Variants in LRMDA observed in about 807,000 individuals in gnomAD.
LRMDA encodes leucine-rich melanocyte differentiation-associated protein.
In LRMDA, 18 loss-of-function variants were observed where a neutral mutation model predicts 29.8. The ratio of observed to expected loss-of-function variants is 0.60; its 90% CI spans 0.42 to 0.90. LRMDA has a LOEUF of 0.90. Among genes scored for constraint, LRMDA ranks in the 40% least tolerant of loss-of-function variants. The pLI is 0.00. For synonymous variants in LRMDA, 125 were observed against 109.4 expected, an observed-to-expected ratio of 1.14 and a Z score of -0.89; for missense variants, 273 against 273.9, an observed-to-expected ratio of 1.00 and a Z score of 0.02.
chr10:76,211,855 C>A (rs2132246348), intron 5 of LRMDA, among the ~76,000 whole-genome samples: 1 of 152,312 alleles, frequency 6.6e-6, no homozygotes, highest in South Asian at 2.1e-4. Flanking sequence ...CAGAGTCTCA[C>A]AAATAGTTCT....
chr10:76,368,496 A>G (rs1402268805), intron 6 of LRMDA, among the ~76,000 whole-genome samples: 1 of 152,096 alleles, frequency 6.6e-6, no homozygotes, highest in Admixed American at 6.5e-5. Flanking sequence ...TCTTAAATGT[A>G]TTGAGGCTCG....
chr10:76,064,917 T>C (rs1053072303), intron 5 of LRMDA, among the ~76,000 whole-genome samples: 1 of 152,198 alleles, frequency 6.6e-6, no homozygotes, highest in East Asian at 1.9e-4. Context: ...TGTGCTCATG[T>C]TTTTATGATT....
chr10:76,248,344 T>C (rs1189192836), intron 5 of LRMDA, among the ~76,000 whole-genome samples: 1 of 152,152 alleles, frequency 6.6e-6, no homozygotes, highest in Admixed American at 6.5e-5. Flanking sequence ...AATTGTTGAC[T>C]TCATGTCAGG....
intron 2 of LRMDA, among the ~76,000 whole-genome samples, chr10:75,690,224 T>C (rs1222565493): frequency 3.3e-5 from 5 of 152,178 alleles, no homozygotes; most frequent in Non-Finnish European, 7.4e-5. Flanking sequence ...ATATCCTCCT[T>C]ATATGGATGA....
chr10:75,794,101 C>T (rs1381616691), intron 2 of LRMDA, among the ~76,000 whole-genome samples: 1 of 152,212 alleles, frequency 6.6e-6, no homozygotes, highest in Non-Finnish European at 1.5e-5. Flanking sequence ...GGTTTGGGGG[C>T]TATTTGTTAC....
intron 5 of LRMDA, among the ~76,000 whole-genome samples, chr10:76,101,736 CA>C (rs35511942): frequency 3.3e-5 from 5 of 149,778 alleles, no homozygotes; most frequent in East Asian, 3.9e-4. Flanking sequence ...GACTCTGTCT[CA>C]AAAAAAAAAT....
chr10:75,941,252 C>T (rs545945358), intron 2 of LRMDA, among the ~76,000 whole-genome samples: 4 of 152,242 alleles, frequency 2.6e-5, no homozygotes, highest in African/African-American at 7.2e-5. Context: ...CAAGGAAAGG[C>T]GAGTAAGCAA....
intron 5 of LRMDA, among the ~76,000 whole-genome samples, chr10:76,194,959 AT>A (rs1310861979): frequency 6.6e-6 from 1 of 152,096 alleles, no homozygotes; most frequent in African/African-American, 2.4e-5. Context: ...GTGAAAACTT[AT>A]TTTTTTCTAC....
At chr10:75,574,290 C>T (rs1202932912) in intron 2 of LRMDA, among the ~76,000 whole-genome samples, 4 of 152,156 alleles carry the variant, frequency 2.6e-5, no homozygotes, top group Non-Finnish European at 5.9e-5. Context: ...TCTCTCAATG[C>T]TCTTCTATGT....
At chr10:76,050,740 A>G (rs1426020788) in intron 4 of LRMDA, among the ~76,000 whole-genome samples, 1 of 152,246 alleles carries the variant, frequency 6.6e-6, no homozygotes, top group African/African-American at 2.4e-5. Context: ...TAGCCAAAAT[A>G]ACAAATCAAT....
intron 2 of LRMDA, among the ~76,000 whole-genome samples, chr10:75,769,620 G>A (rs969455979): frequency 3.3e-5 from 5 of 151,936 alleles, no homozygotes; most frequent in African/African-American, 1.2e-4. Flanking sequence ...TATTTCATTC[G>A]TTTTCTCCCC....
At chr10:75,623,589 G>T (rs1268425129) in intron 2 of LRMDA, among the ~76,000 whole-genome samples, 1 of 152,124 alleles carries the variant, frequency 6.6e-6, no homozygotes, top group Non-Finnish European at 1.5e-5. Flanking sequence ...GAGTCTGAGA[G>T]TTGCTAGTGT....
intron 2 of LRMDA, among the ~76,000 whole-genome samples, chr10:75,608,785 G>A (rs1211316827): frequency 2.0e-5 from 3 of 152,112 alleles, no homozygotes; most frequent in Non-Finnish European, 4.4e-5. Context: ...AGGCTGATGA[G>A]TCAGATCATG....
At chr10:76,243,055 A>G (rs1357213846) in intron 5 of LRMDA, among the ~76,000 whole-genome samples, 1 of 152,190 alleles carries the variant, frequency 6.6e-6, no homozygotes, top group Non-Finnish European at 1.5e-5. Flanking sequence ...TATAAACAGC[A>G]GAAGCAGTAC....
At chr10:75,578,236 A>AAAAAAAAAAACAAAAAAC in intron 2 of LRMDA, among the ~76,000 whole-genome samples, 1 of 148,386 alleles carries the variant, frequency 6.7e-6, no homozygotes, top group East Asian at 2.0e-4. Flanking sequence ...AAAAAAAAAA[A>AAAAAAAAAAACAAAAAAC]AAAGCAGCAG....
At chr10:75,897,176 C>T (rs188991220) in intron 2 of LRMDA, among the ~76,000 whole-genome samples, 1 of 152,242 alleles carries the variant, frequency 6.6e-6, no homozygotes, top group East Asian at 1.9e-4. Context: ...TGTTTGGGGG[C>T]AATAATAAGT....
At chr10:75,914,248 T>C (rs552516157) in intron 2 of LRMDA, among the ~76,000 whole-genome samples, 47 of 152,330 alleles carry the variant, frequency 3.1e-4, no homozygotes, top group African/African-American at 9.9e-4. Context: ...CCCACTGTTA[T>C]TTGGTTGCTC....
intron 2 of LRMDA, among the ~76,000 whole-genome samples, chr10:75,930,218 A>G (rs1310561813): frequency 4.6e-5 from 7 of 152,218 alleles, no homozygotes; most frequent in Non-Finnish European, 1.0e-4. Flanking sequence ...AACAACTCTC[A>G]CCAGAACCAT....
At chr10:75,650,415 A>G (rs1317534235) in intron 2 of LRMDA, among the ~76,000 whole-genome samples, 1 of 152,154 alleles carries the variant, frequency 6.6e-6, no homozygotes, top group South Asian at 2.1e-4. Flanking sequence ...CCATCTATGC[A>G]AGAGTTATTT....
Sources: allele counts gnomAD v4.1 joint callset (sites outside exome capture counted in the v4.1 genomes callset), GRCh38; gene constraint gnomAD v4.1.1; transcripts MANE v1.5; gene names NCBI Gene and HGNC (gene_info 2026-07-23, HGNC 2026-07-21).